Variants in PLXNC1 observed in about 807,000 individuals in gnomAD.
PLXNC1 encodes the protein plexin C1.
In PLXNC1, 75 loss-of-function variants were observed where a neutral mutation model predicts 178.2. The ratio of observed to expected loss-of-function variants is 0.42; its 90% confidence interval spans 0.35 to 0.51. The LOEUF (loss-of-function observed/expected upper bound fraction) is 0.51. Ranked by LOEUF, PLXNC1 falls within the 20% of genes least tolerant of loss-of-function variation. The probability of loss-of-function intolerance (pLI) is 0.02; values close to 1 mark genes in which losing one functional copy is unlikely to be tolerated. For synonymous variants in PLXNC1, 790 were observed against 779.9 expected (o/e 1.01, Z -0.22); for missense variants, 1,503 against 1,984.4 (o/e 0.76, Z 4.61).
intron 4 of PLXNC1, among the ~76,000 whole-genome samples, chr12:94,197,490 T>G (rs1962962460): frequency 6.6e-6 from 1 of 151,156 alleles, no homozygotes; most frequent in South Asian, 2.1e-4. Flanking sequence ...TTTCTTGCCC[T>G]TCCACCATGG....
rs147042869 is a variant in PLXNC1 at position 94,196,226 on chromosome 12, C to T, written c.1439+9753C>T. The stretch of plus-strand genomic sequence containing the variant: ...TAGATGTTTTGTCTCCTCCAAATCT[C>T]GTGTTGAAATGTGACCTCCAGTACT... On this transcript the variant is annotated intron_variant, in intron 4 of 30. Transcript: ENST00000258526. 4.6e-5 allele frequency among the ~76,000 whole-genome samples: 7 copies of T among 152,258 alleles called. 1 individual carries two copies. Among genetic ancestry groups the T allele is most frequent in the Non-Finnish European group, 7.4e-5 (5 of 68,020 alleles).
chr12:94,222,450 C>T (rs375960241), intron 6 of PLXNC1, among the ~76,000 whole-genome samples: 1 of 152,100 alleles, frequency 6.6e-6, no homozygotes, highest in Admixed American at 6.5e-5. Flanking sequence ...GGAGAAAAGT[C>T]ACCTCTTCCA....
In PLXNC1 at chr12:94,245,382, T is replaced by C. The variant is rs567116039; in HGVS notation, c.2388+1357T>C. ...CATGGAGGCAGGCAGCAAATCTACATTGGGATTGAAAGTTGAGGCTGGGTG... is the reference window on the plus strand; with the variant it reads ...CATGGAGGCAGGCAGCAAATCTACACTGGGATTGAAAGTTGAGGCTGGGTG... On this transcript the variant is annotated intron_variant, in intron 12 of 30. Coordinates refer to ENST00000258526, the MANE Select transcript of PLXNC1 (RefSeq NM_005761.3). Among the ~76,000 whole-genome samples the C allele has an allele frequency of 4.5e-4, 69 of 152,250 alleles. 2 individuals are homozygous for C. Among genetic ancestry groups the C allele is most frequent in the Admixed American group, 4.4e-3 (68 of 15,298 alleles).
intron 23 of PLXNC1, 21 bp downstream of exon 23, chr12:94,282,422 C>T (rs755288486): frequency 8.1e-6 from 12 of 1,473,186 alleles, no homozygotes; most frequent in African/African-American, 5.5e-5. Flanking sequence ...GACTTGACCC[C>T]GTGTCTCCTT....
intron 8 of PLXNC1, 50 bp downstream of exon 8, chr12:94,226,757 C>T (rs1468567841): frequency 1.5e-6 from 2 of 1,291,060 alleles, no homozygotes; most frequent in Admixed American, 1.7e-5. Flanking sequence ...GGCATGGTGG[C>T]TCACGCCTGC....
chr12:94,299,572 T>TTG (rs1565873541), intron 27 of PLXNC1, among the ~76,000 whole-genome samples: 34 of 152,172 alleles, frequency 2.2e-4, no homozygotes, highest in African/African-American at 6.5e-4. Flanking sequence ...AGCCTCTTTT[T>TTG]TTTTGAGACA....
chr12:94,204,158 A>G (rs930283357), intron 4 of PLXNC1, among the ~76,000 whole-genome samples: 3 of 152,196 alleles, frequency 2.0e-5, no homozygotes, highest in African/African-American at 2.4e-5. Context: ...AAAACAGACT[A>G]AGACAGATGG....
At chr12:94,172,124 C>T (rs1162922356) in intron 2 of PLXNC1, among the ~76,000 whole-genome samples, 2 of 152,216 alleles carry the variant, frequency 1.3e-5, no homozygotes, top group Admixed American at 6.5e-5. Flanking sequence ...AAAGGATGAA[C>T]ACTGATAGAC....
Position 94,177,211 on chromosome 12 carries a change from ATG to A in PLXNC1, c.1204-4227_1204-4226del, listed in dbSNP as rs796327310. 5.7e-3 allele frequency among the ~76,000 whole-genome samples: 286 copies of A among 50,010 alleles called. 5 individuals are homozygous for A. Among genetic ancestry groups the A allele is most frequent in the South Asian group, 0.036 (65 of 1,786 alleles). The allele number at this position is 50,010 out of a possible 152,430, so 32.8% of individuals were successfully genotyped here. A position where few individuals can be genotyped will look rare whatever the true frequency, so the allele number is the denominator to read the frequency against. On this transcript the variant is annotated intron_variant, in intron 2 of 30. Transcript: ENST00000258526. The stretch of plus-strand genomic sequence containing the variant: ...TGTATATATATATACGTATATATAT[ATG>A]TGTGTGTATATATATACATATATAT...
At chr12:94,158,931 G>T (rs1486507276) in intron 1 of PLXNC1, among the ~76,000 whole-genome samples, 1 of 152,188 alleles carries the variant, frequency 6.6e-6, no homozygotes, top group East Asian at 1.9e-4. Context: ...CTAGAGCAGG[G>T]TGTGAAAACC....
intron 21 of PLXNC1, among the ~76,000 whole-genome samples, chr12:94,270,938 AG>A: frequency 6.6e-6 from 1 of 152,090 alleles, no homozygotes; most frequent in Non-Finnish European, 1.5e-5. Context: ...CGCAGCTCAA[AG>A]GGGAACGTCA....
intron 22 of PLXNC1, chr12:94,279,916 T>A: frequency 5.0e-6 from 3 of 594,070 alleles, no homozygotes; most frequent in Non-Finnish European, 9.4e-6. Flanking sequence ...ATCAGATTGA[T>A]GAGATTGCAG....
intron 12 of PLXNC1, 110 bp from the exon 13 acceptor site, chr12:94,247,793 G>T: frequency 1.1e-6 from 1 of 924,178 alleles, no homozygotes. Flanking sequence ...TATTACACAT[G>T]AGAAAACAGA....
chr12:94,223,858 G>A (rs1963864174), intron 6 of PLXNC1, among the ~76,000 whole-genome samples: 1 of 152,136 alleles, frequency 6.6e-6, no homozygotes, highest in South Asian at 2.1e-4. Context: ...TCATGTTCTA[G>A]GCACTTCTTG....
chr12:94,153,629 G>T (rs1038483303), intron 1 of PLXNC1, among the ~76,000 whole-genome samples: 1 of 152,172 alleles, frequency 6.6e-6, no homozygotes, highest in Non-Finnish European at 1.5e-5. Flanking sequence ...GTCACTCGTG[G>T]TTTAAACATG....
Position 94,248,015 on chromosome 12 carries a change from A to T in PLXNC1, c.2501A>T (p.Asp834Val). The T allele has an allele frequency of 1.2e-6, 2 of 1,614,152 alleles. No individual in the cohort carries two copies. Among genetic ancestry groups the T allele is most frequent in the Non-Finnish European group, 1.7e-6 (2 of 1,180,000 alleles). ...VKLRVQDTYL[D>V]CGTLQYREDP... ...CTGAGAGTACAAGACACCTACTTGG[A>T]TTGTGGAACCCTGCAGTATCGGGAG... The change falls in exon 13 of 31, where the codon GAT (aspartate) becomes GTT (valine). Residue 834 changes from aspartate (D) to valine (V), a missense_variant. Asp to Val is a radical substitution (Grantham distance 152, BLOSUM62 -3). Coordinates refer to ENST00000258526, the MANE Select transcript of PLXNC1 (RefSeq NM_005761.3).
intron 4 of PLXNC1, among the ~76,000 whole-genome samples, chr12:94,206,295 G>A (rs1592763540): frequency 6.6e-6 from 1 of 151,608 alleles, no homozygotes; most frequent in African/African-American, 2.4e-5. Context: ...GAGGGAGGGG[G>A]CGGTTACATA....
intron 9 of PLXNC1, among the ~76,000 whole-genome samples, chr12:94,229,021 A>C (rs1232765058): frequency 6.6e-6 from 1 of 152,206 alleles, no homozygotes; most frequent in Non-Finnish European, 1.5e-5. Context: ...ATTCCCACCA[A>C]CAGTGCACAA....
At chr12:94,240,777 A>T in intron 11 of PLXNC1, 113 bp downstream of exon 11, 1 of 826,120 alleles carries the variant, frequency 1.2e-6, no homozygotes, top group Non-Finnish European at 1.9e-6. Context: ...AATTCCTCTC[A>T]CCGAGTTCTC....
Sources: allele counts gnomAD v4.1 joint callset (sites outside exome capture counted in the v4.1 genomes callset), GRCh38; gene constraint gnomAD v4.1.1; transcripts MANE v1.5; gene names NCBI Gene and HGNC (gene_info 2026-07-23, HGNC 2026-07-21).